Variants in TCP11L2 observed in about 807,000 individuals in gnomAD.
The protein encoded by TCP11L2 is t-complex 11 like 2, also known as T-complex protein 11-like protein 2.
In TCP11L2, 39 loss-of-function variants were observed where a neutral mutation model predicts 50.7. That is an observed-to-expected ratio of 0.77 (90% confidence interval 0.60 to 1.01). The LOEUF is 1.01. Ranked by LOEUF, TCP11L2 falls within the 50% of genes least tolerant of loss-of-function variation. TCP11L2 has a pLI of 0.00. For synonymous variants in TCP11L2, 192 were observed against 219.3 expected, an observed-to-expected ratio of 0.88 and a Z score of 1.10; for missense variants, 612 against 614.7, an observed-to-expected ratio of 1.00 and a Z score of 0.05.
chr12:106,337,769 A>AAAG (rs1413931817), intron 8 of TCP11L2, among the ~76,000 whole-genome samples: 1 of 152,240 alleles, frequency 6.6e-6, no homozygotes, highest in Non-Finnish European at 1.5e-5. Flanking sequence ...GAGTTGTGAG[A>AAAG]ACTTAAGATG....
At chr12:106,298,761 T>C (rs1358606179), upstream of TCP11L2, among the ~76,000 whole-genome samples, 1 of 151,702 alleles carries the variant, frequency 6.6e-6, no homozygotes, top group Admixed American at 6.6e-5. Context: ...GACCTCAAGT[T>C]ATCCACCTGC....
At chr12:106,341,058 C>CTA in intron 9 of TCP11L2, 60 bp downstream of exon 9, 1 of 1,447,802 alleles carries the variant, frequency 6.9e-7, no homozygotes, top group South Asian at 1.3e-5. Context: ...CTGATTTTGA[C>CTA]TAACATTAAG....
At chr12:106,323,741 AAT>A (rs143570657) in intron 6 of TCP11L2, 95 bp downstream of exon 6, 2 of 428,072 alleles carry the variant, frequency 4.7e-6, no homozygotes, top group Non-Finnish European at 6.6e-6. Context: ...AATTAAATTA[AAT>A]TAATAAATAA....
intron 7 of TCP11L2, 82 bp downstream of exon 7, chr12:106,335,908 A>G (rs1403110304): frequency 2.6e-6 from 4 of 1,524,384 alleles, no homozygotes; most frequent in East Asian, 4.6e-5. Context: ...TCTGTGTTTC[A>G]TGTGGTTTAA....
chr12:106,321,735 A>G, intron 5 of TCP11L2, 29 bp downstream of exon 5: 1 of 1,596,950 alleles, frequency 6.3e-7, no homozygotes, highest in Non-Finnish European at 8.6e-7. Flanking sequence ...TGCATTTCCT[A>G]GAGTATCTTT....
chr12:106,339,901 AT>A (rs2036038490), intron 8 of TCP11L2, among the ~76,000 whole-genome samples: 1 of 152,260 alleles, frequency 6.6e-6, no homozygotes. Flanking sequence ...ATTGCTGTTA[AT>A]GATGATAAAC....
At chr12:106,312,467 A>G (rs2034898976) in intron 2 of TCP11L2, 2 of 1,083,828 alleles carry the variant, frequency 1.8e-6, no homozygotes, top group East Asian at 8.5e-5. Context: ...TTTATACTGT[A>G]TGTGGTGTTG....
chr12:106,308,561 C>T (rs1455049233), intron 1 of TCP11L2, among the ~76,000 whole-genome samples: 2 of 152,176 alleles, frequency 1.3e-5, no homozygotes, highest in East Asian at 1.9e-4. Flanking sequence ...CATTTGAGGG[C>T]AACCGAAGTA....
At chr12:106,301,174 T>C (rs1236460421), upstream of TCP11L2, among the ~76,000 whole-genome samples, 2 of 152,226 alleles carry the variant, frequency 1.3e-5, no homozygotes, top group African/African-American at 4.8e-5. Context: ...AGCATGTTTG[T>C]AGGGAAGAAC....
chr12:106,344,324 A>G (rs1379848196), intron 9 of TCP11L2, among the ~76,000 whole-genome samples: 1 of 152,144 alleles, frequency 6.6e-6, no homozygotes, highest in African/African-American at 2.4e-5. Flanking sequence ...TGTCTGTCAC[A>G]TGACAGACCA....
chr12:106,336,263 T>C (rs370223902), intron 8 of TCP11L2, 50 bp downstream of exon 8: 1 of 1,518,700 alleles, frequency 6.6e-7, no homozygotes, highest in African/African-American at 1.4e-5. Flanking sequence ...AGGCTCTGCA[T>C]GTGTCTCAGA....
In TCP11L2 at chr12:106,313,586, T is replaced by A. The variant is rs866195025; in HGVS notation, c.158-772T>A. Among the ~76,000 whole-genome samples the A allele has an allele frequency of 2.6e-3, 383 of 146,454 alleles. 2 individuals are homozygous for A. The highest frequency in any genetic ancestry group is 9.2e-3 in the African/African-American group (361 of 39,092). ...AGAGTGAGACTCCATCTCAAAAAAA[T>A]AAATAAATAAATAAATAAATAAATA... On this transcript the variant is annotated intron_variant, in intron 2 of 9. Transcript: ENST00000299045.
chr12:106,323,127 A>G (rs985229960), intron 5 of TCP11L2, among the ~76,000 whole-genome samples: 1 of 152,210 alleles, frequency 6.6e-6, no homozygotes, highest in Admixed American at 6.5e-5. Context: ...TAACTCTAAA[A>G]GGAAGTGTTT....
At chr12:106,308,120 C>T (rs997105318) in intron 1 of TCP11L2, among the ~76,000 whole-genome samples, 28 of 152,174 alleles carry the variant, frequency 1.8e-4, no homozygotes, top group African/African-American at 2.2e-4. Context: ...CATTGCAGCC[C>T]CTGTGCCAGG....
chr12:106,334,551 A>T (rs938319121), intron 6 of TCP11L2, among the ~76,000 whole-genome samples: 6 of 152,036 alleles, frequency 3.9e-5, no homozygotes, highest in African/African-American at 1.4e-4. Context: ...TCTTGTTTGA[A>T]CCACTGCAAT....
At chr12:106,325,906 A>C (rs1196561338) in intron 6 of TCP11L2, 2 of 151,446 alleles carry the variant, frequency 1.3e-5, no homozygotes, top group Non-Finnish European at 2.9e-5. Context: ...AAAAAAAAAA[A>C]AAAAAAACCC....
intron 2 of TCP11L2, chr12:106,312,454 C>A: frequency 8.6e-7 from 1 of 1,165,894 alleles, no homozygotes; most frequent in Non-Finnish European, 1.1e-6. Flanking sequence ...CCTTTTCTCA[C>A]TCTTTATACT....
chr12:106,324,393 G>A (rs558311068), intron 6 of TCP11L2: 1 of 152,222 alleles, frequency 6.6e-6, no homozygotes, highest in African/African-American at 2.4e-5. Context: ...GAGTTGGTAA[G>A]GGGAGAGTGG....
upstream of TCP11L2, among the ~76,000 whole-genome samples, chr12:106,299,396 C>A (rs1324575375): frequency 1.3e-5 from 2 of 152,158 alleles, no homozygotes; most frequent in Non-Finnish European, 2.9e-5. Context: ...AGATAAGCAC[C>A]TTTAACCACT....
Sources: gnomAD v4.1 joint callset for allele counts (sites outside exome capture counted in the v4.1 genomes callset) on GRCh38, gnomAD v4.1.1 for gene constraint, MANE v1.5 for transcripts, NCBI Gene and HGNC (gene_info 2026-07-23, HGNC 2026-07-21) for gene names.